The following PDGFD variants were observed in gnomAD, a reference collection of about 807,000 sequenced individuals.
PDGFD encodes platelet-derived growth factor D.
In PDGFD, 30 loss-of-function variants were observed where a neutral mutation model predicts 44.7. The ratio of observed to expected loss-of-function variants is 0.67; its 90% CI spans 0.50 to 0.91. PDGFD has a LOEUF of 0.91. Among genes scored for constraint, PDGFD ranks in the 40% least tolerant of loss-of-function variants. The pLI is 0.00. For synonymous variants in PDGFD, 173 were observed against 168.4 expected (o/e 1.03, Z -0.21); for missense variants, 445 against 457.8 (o/e 0.97, Z 0.25).
At chr11:104,031,703 T>C (rs564020458) in intron 1 of PDGFD, among the ~76,000 whole-genome samples, 24 of 152,324 alleles carry the variant, frequency 1.6e-4, no homozygotes, top group African/African-American at 4.3e-4. Flanking sequence ...TGTATGTTCA[T>C]TGCAGCACTA....
chr11:104,057,169 T>C (rs1040931310), intron 1 of PDGFD, among the ~76,000 whole-genome samples: 6 of 152,080 alleles, frequency 3.9e-5, no homozygotes, highest in Non-Finnish European at 7.4e-5. Flanking sequence ...TTCTTAAGAA[T>C]GAGTTTGACA....
chr11:104,116,820 C>T (rs1360993023), intron 1 of PDGFD, among the ~76,000 whole-genome samples: 2 of 151,914 alleles, frequency 1.3e-5, no homozygotes, highest in Non-Finnish European at 2.9e-5. Flanking sequence ...ATAAGTCTCA[C>T]AAGATCTGAT....
chr11:103,914,778 C>G (rs895226921), intron 6 of PDGFD, among the ~76,000 whole-genome samples: 7 of 152,262 alleles, frequency 4.6e-5, no homozygotes, highest in African/African-American at 1.7e-4. Flanking sequence ...CCCTGGGATG[C>G]AAGGCTGGTT....
chr11:104,058,112 G>C (rs1170185499), intron 1 of PDGFD, among the ~76,000 whole-genome samples: 1 of 152,026 alleles, frequency 6.6e-6, no homozygotes, highest in East Asian at 1.9e-4. Context: ...CAATTTATTA[G>C]AACACAAAAA....
At chr11:104,051,730 C>T (rs895111254) in intron 1 of PDGFD, among the ~76,000 whole-genome samples, 2 of 151,392 alleles carry the variant, frequency 1.3e-5, no homozygotes, top group Non-Finnish European at 2.9e-5. Context: ...AAAATGCTGG[C>T]CAGATATTAT....
At position 104,077,218 on chromosome 11, in the gene PDGFD, T is replaced by C. The variant is rs184436853; in HGVS notation, c.125-76963A>G. On this transcript the variant is annotated intron_variant, in intron 1 of 6. Transcript: ENST00000393158. The stretch of plus-strand genomic sequence containing the variant: ...GGAAAAAGACAAGGGTAGATCTCAA[T>C]GTGAAAAAGCACTCACAATACCTCT... Among the ~76,000 whole-genome samples the C allele has an allele frequency of 1.4e-4, 21 of 152,150 alleles. 1 individual carries two copies. The highest frequency in any genetic ancestry group is 9.2e-4 in the Admixed American group (14 of 15,278).
intron 5 of PDGFD, among the ~76,000 whole-genome samples, chr11:103,930,393 A>T (rs1858382916): frequency 6.6e-6 from 1 of 152,142 alleles, no homozygotes; most frequent in Non-Finnish European, 1.5e-5. Flanking sequence ...TAGGTGTGGG[A>T]GGAAGGAGAG....
At chr11:103,935,319 A>G (rs1244779824) in intron 5 of PDGFD, among the ~76,000 whole-genome samples, 1 of 152,192 alleles carries the variant, frequency 6.6e-6, no homozygotes. Flanking sequence ...AGATTTTCTT[A>G]AAATATTTCA....
intron 1 of PDGFD, among the ~76,000 whole-genome samples, chr11:104,006,524 G>T (rs1449476667): frequency 6.6e-6 from 1 of 152,184 alleles, no homozygotes; most frequent in Non-Finnish European, 1.5e-5. Context: ...GAAATCCACA[G>T]CCCTAAATGG....
chr11:104,054,907 G>A lies in PDGFD; in HGVS notation c.125-54652C>T, dbSNP rs147221188. ...CAGGTGGAGGGAACCAGCCTCAGGC[G>A]GAGCAATTACCTTAACCTTTCCAAG... On this transcript the variant is annotated intron_variant, in intron 1 of 6. Coordinates refer to ENST00000393158, the MANE Select transcript of PDGFD (RefSeq NM_025208.5). 4.6e-3 allele frequency among the ~76,000 whole-genome samples: 701 copies of A among 152,242 alleles called. 4 individuals carry two copies. Among genetic ancestry groups the A allele is most frequent in the African/African-American group, 0.016 (666 of 41,526 alleles).
At chr11:103,987,814 C>T (rs554236045) in intron 3 of PDGFD, among the ~76,000 whole-genome samples, 25 of 151,838 alleles carry the variant, frequency 1.6e-4, no homozygotes, top group Admixed American at 3.9e-4. Flanking sequence ...ATGCAGGCAA[C>T]GCCCTCTTCC....
At chr11:104,117,011 CG>C (rs1861651625) in intron 1 of PDGFD, among the ~76,000 whole-genome samples, 1 of 151,802 alleles carries the variant, frequency 6.6e-6, no homozygotes. Flanking sequence ...AGTGTGCAAA[CG>C]GACCAATATA....
At chr11:104,096,570 C>T (rs1303797047) in intron 1 of PDGFD, among the ~76,000 whole-genome samples, 2 of 152,174 alleles carry the variant, frequency 1.3e-5, no homozygotes, top group Non-Finnish European at 2.9e-5. Context: ...AGAGGATGCA[C>T]AGAAGATTTA....
intron 1 of PDGFD, among the ~76,000 whole-genome samples, chr11:104,006,598 G>C (rs191874981): frequency 1.3e-3 from 195 of 152,202 alleles, no homozygotes; most frequent in South Asian, 2.7e-3. Context: ...ACCCTATCCT[G>C]TACCCATAAT....
At chr11:103,930,143 G>A (rs926557654) in intron 5 of PDGFD, among the ~76,000 whole-genome samples, 2 of 151,880 alleles carry the variant, frequency 1.3e-5, no homozygotes, top group East Asian at 3.9e-4. Flanking sequence ...AAGTTTTTTG[G>A]GCCTCATACA....
At chr11:103,927,717 G>T (rs193235642) in intron 5 of PDGFD, among the ~76,000 whole-genome samples, 2 of 152,308 alleles carry the variant, frequency 1.3e-5, no homozygotes, top group East Asian at 3.9e-4. Flanking sequence ...TTTGTGCACT[G>T]GGTCCTAGAT....
intron 1 of PDGFD, among the ~76,000 whole-genome samples, chr11:104,006,842 CCATTCAATAAAACCCCCA>C (rs1859710144): frequency 6.6e-6 from 1 of 152,180 alleles, no homozygotes; most frequent in Non-Finnish European, 1.5e-5. Flanking sequence ...GCCGCCTCCA[CCATTCAATAAAACCCCCA>C]CATTCATCCT....
At chr11:104,122,879 T>C (rs544943842) in intron 1 of PDGFD, among the ~76,000 whole-genome samples, 1 of 152,020 alleles carries the variant, frequency 6.6e-6, no homozygotes, top group Non-Finnish European at 1.5e-5. Context: ...AAAAGATAGA[T>C]AGAAAGAAAT....
At chr11:104,027,143 T>C (rs1860053122) in intron 1 of PDGFD, among the ~76,000 whole-genome samples, 1 of 152,204 alleles carries the variant, frequency 6.6e-6, no homozygotes, top group South Asian at 2.1e-4. Flanking sequence ...GATACAATCA[T>C]ATGCAATGAA....
Sources: allele counts gnomAD v4.1 joint callset (sites outside exome capture counted in the v4.1 genomes callset), GRCh38; gene constraint gnomAD v4.1.1; transcripts MANE v1.5; gene names NCBI Gene and HGNC (gene_info 2026-07-23, HGNC 2026-07-21).